The following SRRM2 variants were observed in gnomAD, a reference collection of about 807,000 sequenced individuals.
SRRM2 encodes the protein serine/arginine repetitive matrix 2, also known as serine/arginine repetitive matrix protein 2.
A neutral mutation model predicts 213.8 loss-of-function variants in SRRM2; 30 were observed. The observed-to-expected ratio is 0.14, with a 90% CI of 0.10 to 0.19. SRRM2 has a LOEUF of 0.19. Ranked by LOEUF, SRRM2 falls within the 10% of genes least tolerant of loss-of-function variation. The probability of loss-of-function intolerance (pLI) is 1.00; values close to 1 mark genes in which losing one functional copy is unlikely to be tolerated. For missense variants in SRRM2, 4,904 were observed against 3,647.0 expected (o/e 1.34, Z -8.88); for synonymous variants, 2,025 against 1,377.7 (o/e 1.47, Z -10.40).
chr16:2,754,113 A>G (rs1456283940), intron 1 of SRRM2, among the ~76,000 whole-genome samples: 1 of 151,924 alleles, frequency 6.6e-6, no homozygotes, highest in African/African-American at 2.4e-5. Flanking sequence ...GAGTTTTGTA[A>G]TATCGTTTGG....
At position 2,760,389 on chromosome 16, in the gene SRRM2, G is replaced by C; in HGVS notation, c.922G>C (p.Ala308Pro). 1.9e-6 allele frequency: 3 copies of C among 1,614,168 alleles called. No individual in the cohort carries two copies. Among genetic ancestry groups the C allele is most frequent in the Non-Finnish European group, 2.5e-6 (3 of 1,180,030 alleles). The change falls in exon 10 of 15, where the codon GCG (alanine) becomes CCG (proline). Residue 308 changes from alanine to proline, a missense_variant. By Grantham distance (27) the Ala-to-Pro change is conservative. Transcript: ENST00000301740. ...PASGRRGEGD[A>P]PFSEPGTTST... ...TTCAGGGCGACGCGGGGAGGGAGATGCGCCTTTCAGTGAACCAGGTACTAC... is the reference window on the plus strand; with the variant it reads ...TTCAGGGCGACGCGGGGAGGGAGATCCGCCTTTCAGTGAACCAGGTACTAC...
chr16:2,754,275 C>T (rs1432166010), intron 1 of SRRM2, among the ~76,000 whole-genome samples: 2 of 151,680 alleles, frequency 1.3e-5, no homozygotes, highest in South Asian at 2.1e-4. Context: ...ATATCCTTTG[C>T]TTAGCACCTA....
Position 2,761,856 on chromosome 16 carries a change from C to T in SRRM2, c.1328C>T (p.Pro443Leu), listed in dbSNP as rs754379661. ...HASSSPESPK[P>L]APAPGSHREI... is the part of the protein sequence containing the mutation. ...AGCTCTTCCCCAGAAAGTCCTAAAC[C>T]TGCTCCAGCTCCAGGGTCCCACCGA... is the stretch of plus-strand genomic sequence containing the variant. The change falls in exon 11 of 15, where the codon CCT (proline) becomes CTT (leucine). Residue 443 changes from proline (P) to leucine (L), a missense_variant. Coordinates refer to ENST00000301740, the MANE Select transcript of SRRM2 (RefSeq NM_016333.4). 6.2e-7 allele frequency: 1 copy of T among 1,611,748 alleles called. No homozygotes were observed. The highest frequency in any genetic ancestry group is 2.2e-5 in the East Asian group (1 of 44,820).
rs373011722 is a variant in SRRM2, at chr16:2,769,448, G to T, written c.8021+164G>T. 2.7e-4 allele frequency: 226 copies of T among 836,160 alleles called. 1 individual carries two copies. In the South Asian group the frequency reaches 3.6e-3, roughly 13 times the overall value. 51.8% of individuals were successfully genotyped at this position (836,160 alleles called of 1,614,324 possible). On this transcript the variant is annotated intron_variant, in intron 12 of 14. Transcript: ENST00000301740. The stretch of plus-strand genomic sequence containing the variant: ...CCTCTCCCCATGCTCGTTGCACCCT[G>T]TTCTGGCGAAGGGCTGCGCCATCCA...
chr16:2,755,036 A>C (rs1464471701), intron 1 of SRRM2, among the ~76,000 whole-genome samples: 1 of 152,194 alleles, frequency 6.6e-6, no homozygotes, highest in East Asian at 1.9e-4. Flanking sequence ...GTTCTTTTAC[A>C]TCTTTGATTA....
intron 9 of SRRM2, 23 bp downstream of exon 9, chr16:2,759,684 G>C (rs1424261254): frequency 1.9e-6 from 3 of 1,593,906 alleles, no homozygotes; most frequent in Non-Finnish European, 2.6e-6. Flanking sequence ...CCAGGAGGAA[G>C]GGAGGGAGAG....
rs775334838 is a variant in SRRM2 at position 2,770,595 on chromosome 16, G to A, written c.8136-9G>A. The A allele has an allele frequency of 2.6e-5, 41 of 1,553,192 alleles. No homozygotes were observed. The highest frequency in any genetic ancestry group is 3.5e-5 in the Non-Finnish European group (40 of 1,148,084). On this transcript the variant is annotated splice_polypyrimidine_tract_variant and intron_variant, in intron 13 of 14. Coordinates refer to ENST00000301740, the MANE Select transcript of SRRM2 (RefSeq NM_016333.4). The stretch of plus-strand genomic sequence containing the variant: ...CACCCTGTGGCCTGATGTCTGTCCT[G>A]TGTTGCAGCAGCAGCAGTGAGCGGG...
rs1368750158 is a variant in SRRM2, at chr16:2,764,857, T to C, written c.4329T>C (p.Ser1443=). The change falls in exon 11 of 15, where the codon TCT becomes TCC. Residue 1443 remains serine (S), a synonymous_variant. Transcript: ENST00000301740. ...CATCAAGGAGAAGCAGGTCTGGGTC[T>C]TCTCCAGGACTTAGAGATGGGTCTG... The part of the protein sequence containing the change: ...RTPSRRSRSG[S]SPGLRDGSGT... 1.2e-6 allele frequency: 2 copies of C among 1,614,200 alleles called. No homozygotes were observed. Among genetic ancestry groups the C allele is most frequent in the Non-Finnish European group, 1.7e-6 (2 of 1,180,028 alleles).
chr16:2,764,288 T>C lies in SRRM2; in HGVS notation c.3760T>C (p.Ser1254Pro). 6.2e-7 allele frequency: 1 copy of C among 1,613,962 alleles called. No homozygotes were observed. Reference protein sequence around the residue: ...KSEEPAGQILSHLSSELKEMS... With the variant: ...KSEEPAGQILPHLSSELKEMS... ...TGAAGAACCCGCAGGCCAAATCCTG[T>C]CTCATTTGTCTTCAGAACTTAAAGA... The change falls in exon 11 of 15, where the codon TCT becomes CCT. Residue 1254 changes from serine to proline, a missense_variant. By Grantham distance (74) the Ser-to-Pro change is moderately conservative. Coordinates refer to ENST00000301740, the MANE Select transcript of SRRM2 (RefSeq NM_016333.4).
At position 2,770,987 on chromosome 16, in the gene SRRM2, G is replaced by A; in HGVS notation, c.*120G>A. ...TCTCCTTTGAACCTTGGCAGCCCTT[G>A]GATGGAGGGCTCCCTTTCCCTCCCC... On this transcript the variant is annotated 3_prime_UTR_variant, in exon 15 of 15. Transcript: ENST00000301740. The A allele has an allele frequency of 8.1e-6, 10 of 1,241,412 alleles. No homozygotes were observed. Among genetic ancestry groups the A allele is most frequent in the Non-Finnish European group, 1.1e-5 (10 of 883,714 alleles). The allele number at this position is 1,241,412 out of a possible 1,614,324, so 76.9% of individuals were successfully genotyped here.
Position 2,764,233 on chromosome 16 carries a change from TGAA to T in SRRM2, c.3708_3710del (p.Glu1237del), listed in dbSNP as rs1320076298. 3.7e-6 allele frequency: 6 copies of T among 1,614,012 alleles called. No individual in the cohort carries two copies. The highest frequency in any genetic ancestry group is 2.7e-5 in the African/African-American group (2 of 74,914). ...GTGCATTGCCTACGTCAAGCCAAGA[TGAA>T]GAGTTAATGGAGGTGGTAGAGAAGT... On this transcript the variant is annotated inframe_deletion, in exon 11 of 15. Coordinates refer to ENST00000301740, the MANE Select transcript of SRRM2 (RefSeq NM_016333.4).
chr16:2,761,386 T>A (rs2068341677), intron 10 of SRRM2, among the ~76,000 whole-genome samples, 175 bp from the exon 11 acceptor site: 1 of 152,220 alleles, frequency 6.6e-6, no homozygotes, highest in South Asian at 2.1e-4. Flanking sequence ...CATATATTCA[T>A]ATGTTTTCAC....
Position 2,763,912 on chromosome 16 carries a change from A to G in SRRM2, c.3384A>G (p.Lys1128=). ...RGEFSASPML[K]SGMSPEQSRF... ...AGTTCTCAGCGAGTCCTATGTTGAA[A>G]TCTGGAATGTCTCCTGAGCAGAGCA... is the stretch of plus-strand genomic sequence containing the variant. The change falls in exon 11 of 15, where the codon AAA becomes AAG. Residue 1128 remains lysine (K), a synonymous_variant. Transcript: ENST00000301740. 2 of 1,614,222 alleles carry G rather than the reference A, an allele frequency of 1.2e-6. No individual in the cohort carries two copies. The highest frequency in any genetic ancestry group is 1.1e-5 in the South Asian group (1 of 91,082).
At position 2,767,668 on chromosome 16, in the gene SRRM2, C is replaced by T. The variant is rs774563416; in HGVS notation, c.7140C>T (p.Leu2380=). The T allele has an allele frequency of 6.8e-6, 11 of 1,613,994 alleles. No homozygotes were observed. The South Asian group carries it at 1.1e-4, about 16-fold the overall frequency. The part of the protein sequence containing the change: ...RMAPALSGAN[L]TSPRVPLSAY... The stretch of plus-strand genomic sequence containing the variant: ...CTCCAGCATTGTCTGGTGCAAACCT[C>T]ACCAGCCCCAGGGTGCCCCTTTCTG... Residue 2380 remains leucine (L), a synonymous_variant, in exon 11 of 15, where the codon CTC becomes CTT. Transcript: ENST00000301740.
At chr16:2,755,958 A>G (rs1056690653) in intron 1 of SRRM2, among the ~76,000 whole-genome samples, 2 of 152,186 alleles carry the variant, frequency 1.3e-5, no homozygotes, top group Non-Finnish European at 2.9e-5. Context: ...TAAACACACC[A>G]CTTGTGCATT....
At position 2,762,563 on chromosome 16, in the gene SRRM2, G is replaced by C; in HGVS notation, c.2035G>C (p.Gly679Arg). 1.2e-6 allele frequency: 2 copies of C among 1,613,840 alleles called. No homozygotes were observed. The highest frequency in any genetic ancestry group is 1.7e-6 in the Non-Finnish European group (2 of 1,179,974). The change falls in exon 11 of 15, where the codon GGT (glycine) becomes CGT (arginine). Residue 679 changes from glycine (G) to arginine (R), a missense_variant. Physicochemically the swap from Gly to Arg is moderately radical, Grantham distance 125. Transcript: ENST00000301740. ...SRSRTPARRSGRSRSRTPARR... is the reference protein window; with the variant it reads ...SRSRTPARRSRRSRSRTPARR... ...CTCTAGAACCCCAGCTAGACGCAGT[G>C]GTCGCTCACGCTCCAGAACACCAGC...
In SRRM2 at chr16:2,757,392, T is replaced by C. The variant is rs931071946; in HGVS notation, c.243-80T>C. ...TGCGCATGGAGAGGGAGGGGCCCCTTTTGGGAATGAGGGAAATGGAAACCT... is the reference window on the plus strand; with the variant it reads ...TGCGCATGGAGAGGGAGGGGCCCCTCTTGGGAATGAGGGAAATGGAAACCT... On this transcript the variant is annotated intron_variant, in intron 2 of 14. Transcript: ENST00000301740. 3.0e-5 allele frequency: 41 copies of C among 1,355,404 alleles called. No homozygotes were observed. The African/African-American group carries it at 5.3e-4, about 18-fold the overall frequency. The allele number at this position is 1,355,404 out of a possible 1,614,324, so 84.0% of individuals were successfully genotyped here.
At position 2,762,471 on chromosome 16, in the gene SRRM2, G is replaced by C. The variant is rs763058155; in HGVS notation, c.1943G>C (p.Arg648Pro). The C allele has an allele frequency of 1.2e-6, 2 of 1,613,680 alleles. No individual in the cohort carries two copies. The highest frequency in any genetic ancestry group is 4.5e-5 in the East Asian group (2 of 44,876). Residue 648 changes from arginine (R) to proline (P), a missense_variant, in exon 11 of 15, where the codon CGC becomes CCC. By Grantham distance (103) the Arg-to-Pro change is moderately radical. Transcript: ENST00000301740. ...CCAGCCAGGAGAAGTGGCAGGTCAC[G>C]CTCTAGAACCCCAGCTAGACGTGGC... ...RSPARRSGRS[R>P]SRTPARRGRS...
chr16:2,756,559 C>T lies in SRRM2; in HGVS notation c.195C>T (p.Arg65=), dbSNP rs2068149023. 2.5e-6 allele frequency: 4 copies of T among 1,613,976 alleles called. No individual in the cohort carries two copies. Among genetic ancestry groups the T allele is most frequent in the East Asian group, 2.2e-5 (1 of 44,878 alleles). ...PDILDHERKR[R]VELRCLELEE... ...TCCTGGACCACGAGCGCAAGCGGCGCGTCGAGCTGCGATGCCTCGAGCTGG... is the reference window on the plus strand; with the variant it reads ...TCCTGGACCACGAGCGCAAGCGGCGTGTCGAGCTGCGATGCCTCGAGCTGG... The change falls in exon 2 of 15, where the codon CGC becomes CGT. Residue 65 remains arginine, a synonymous_variant. Coordinates refer to ENST00000301740, the MANE Select transcript of SRRM2 (RefSeq NM_016333.4).
Sources: gnomAD v4.1 joint callset for allele counts (sites outside exome capture counted in the v4.1 genomes callset) on GRCh38, gnomAD v4.1.1 for gene constraint, MANE v1.5 for transcripts, NCBI Gene and HGNC (gene_info 2026-07-23, HGNC 2026-07-21) for gene names.